Variants in GPHN observed in about 807,000 individuals in gnomAD.
GPHN encodes gephyrin.
Under a neutral mutation model 95.5 loss-of-function variants are expected in GPHN, and 17 were observed. That is an observed-to-expected ratio of 0.18 (90% CI 0.12 to 0.27). The LOEUF (loss-of-function observed/expected upper bound fraction) is 0.27. GPHN is among the 10% of genes least tolerant of loss of function. The pLI is 1.00. For synonymous variants in GPHN, 320 were observed against 322.5 expected (o/e 0.99, Z 0.08); for missense variants, 660 against 978.1 (o/e 0.67, Z 4.34).
At chr14:67,729,060 G>A in the GPHN span, 1 of 911,466 alleles carries the variant, frequency 1.1e-6, no homozygotes. Flanking sequence ...GGCCAGGAGT[G>A]GTACCTGCTG....
At chr14:66,878,302 A>T (rs906246530) in intron 4 of GPHN, among the ~76,000 whole-genome samples, 1 of 150,934 alleles carries the variant, frequency 6.6e-6, no homozygotes, top group African/African-American at 2.4e-5. Context: ...CCATTCAAAC[A>T]TGGGCAAAGA....
the GPHN span, among the ~76,000 whole-genome samples, chr14:67,595,077 C>T: frequency 6.6e-6 from 1 of 152,050 alleles, no homozygotes; most frequent in Non-Finnish European, 1.5e-5. Flanking sequence ...GTGGAGCTTG[C>T]AGTGAGCCGA....
chr14:67,433,131 A>G, the GPHN span, among the ~76,000 whole-genome samples: 1 of 152,146 alleles, frequency 6.6e-6, no homozygotes, highest in Non-Finnish European at 1.5e-5. Flanking sequence ...CCAACCCAGG[A>G]AGTTGATGCC....
chr14:67,054,831 C>G (rs1441727002), intron 10 of GPHN, among the ~76,000 whole-genome samples: 1 of 151,998 alleles, frequency 6.6e-6, no homozygotes, highest in East Asian at 1.9e-4. Context: ...ACAAACCTGA[C>G]AAAAGCAATG....
chr14:67,462,975 A>C, the GPHN span, among the ~76,000 whole-genome samples: 3 of 152,342 alleles, frequency 2.0e-5, no homozygotes, highest in African/African-American at 7.2e-5. Context: ...TGGCATTACT[A>C]ATTCATCCTG....
intron 1 of GPHN, among the ~76,000 whole-genome samples, chr14:66,541,090 G>C (rs1173275463): frequency 6.6e-6 from 1 of 152,216 alleles, no homozygotes; most frequent in Non-Finnish European, 1.5e-5. Flanking sequence ...TGGAATTACA[G>C]GTGTGAGCCA....
At chr14:66,832,305 G>A (rs886378638) in intron 4 of GPHN, among the ~76,000 whole-genome samples, 1 of 152,126 alleles carries the variant, frequency 6.6e-6, no homozygotes, top group Non-Finnish European at 1.5e-5. Context: ...CTAACATAAT[G>A]CCTGTAATCT....
At chr14:66,666,755 T>G (rs1006478836) in intron 1 of GPHN, among the ~76,000 whole-genome samples, 3 of 152,226 alleles carry the variant, frequency 2.0e-5, no homozygotes, top group Non-Finnish European at 4.4e-5. Flanking sequence ...TCACCGCTCC[T>G]GTTCAACATA....
At chr14:67,280,853 TTCCCTCCCTCCCTCCC>T in the GPHN span, among the ~76,000 whole-genome samples, 23 of 77,612 alleles carry the variant, frequency 3.0e-4, no homozygotes, top group African/African-American at 1.3e-3. Flanking sequence ...CCTTCCTTCC[TTCCCTCCCTCCCTCCC>T]TCCCTCCCTC....
chr14:67,693,835 G>C, the GPHN span, among the ~76,000 whole-genome samples: 2 of 151,964 alleles, frequency 1.3e-5, no homozygotes, highest in African/African-American at 4.8e-5. Context: ...ATTTTTAGTA[G>C]AGACAGGGTT....
chr14:67,321,548 A>G, the GPHN span, among the ~76,000 whole-genome samples: 7 of 152,192 alleles, frequency 4.6e-5, no homozygotes, highest in Non-Finnish European at 7.3e-5. Flanking sequence ...GAATATTTGC[A>G]TATATATAAT....
At chr14:67,571,885 C>T in the GPHN span, 1 of 1,611,148 alleles carries the variant, frequency 6.2e-7, no homozygotes, top group Admixed American at 1.7e-5. Context: ...CTAGGCAGCC[C>T]CCGGGCCATC....
chr14:67,281,396 T>A, the GPHN span, among the ~76,000 whole-genome samples: 19 of 152,340 alleles, frequency 1.2e-4, no homozygotes, highest in Non-Finnish European at 2.2e-4. Context: ...TACATTTTTT[T>A]AATACCTTTA....
chr14:67,596,793 G>C, the GPHN span, among the ~76,000 whole-genome samples: 1 of 152,142 alleles, frequency 6.6e-6, no homozygotes, highest in African/African-American at 2.4e-5. Context: ...TGTTTCCTTT[G>C]GGTAATTTTC....
chr14:66,673,833 C>T (rs946519541), intron 1 of GPHN, among the ~76,000 whole-genome samples: 5 of 152,080 alleles, frequency 3.3e-5, no homozygotes, highest in African/African-American at 1.2e-4. Flanking sequence ...CTTTATTTCA[C>T]CTTCACATTT....
At chr14:66,904,398 C>A (rs909170630) in intron 5 of GPHN, among the ~76,000 whole-genome samples, 3 of 152,138 alleles carry the variant, frequency 2.0e-5, no homozygotes, top group South Asian at 2.1e-4. Context: ...GTCCATTTTA[C>A]AAATCTCTAG....
chr14:67,225,922 T>C, the GPHN span, among the ~76,000 whole-genome samples: 3 of 117,416 alleles, frequency 2.6e-5, no homozygotes, highest in African/African-American at 1.1e-4. Flanking sequence ...AAGCTAATGC[T>C]GTGAGTGTGT....
rs924099318 is a variant in GPHN, at chr14:67,110,031, A to T, written c.1294-109A>T. 1.4e-5 allele frequency: 13 copies of T among 959,604 alleles called. No homozygotes were observed. The African/African-American group carries it at 1.8e-4, about 13-fold the overall frequency. The allele number at this position is 959,604 out of a possible 1,614,324, so 59.4% of individuals were successfully genotyped here. On this transcript the variant is annotated intron_variant, in intron 13 of 22. Coordinates refer to ENST00000478722, the MANE Select transcript of GPHN (RefSeq NM_020806.5). ...GGCCCAAAATGAATAAGACTGTAAG[A>T]CTTTCTTTTATGGTTTATTTTTTAA...
chr14:67,538,275 G>C, the GPHN span, among the ~76,000 whole-genome samples: 8 of 152,162 alleles, frequency 5.3e-5, no homozygotes, highest in African/African-American at 1.9e-4. Context: ...GACAATTGTA[G>C]ATATTGGGAG....
Sources: allele counts gnomAD v4.1 joint callset (sites outside exome capture counted in the v4.1 genomes callset), GRCh38; gene constraint gnomAD v4.1.1; transcripts MANE v1.5; gene names NCBI Gene and HGNC (gene_info 2026-07-23, HGNC 2026-07-21).